Variants in RECQL4 observed in about 807,000 individuals in gnomAD.
RECQL4 encodes the protein ATP-dependent DNA helicase Q4.
In RECQL4, 158 loss-of-function variants were observed where a neutral mutation model predicts 128.6. The observed-to-expected ratio is 1.23, with a 90% CI of 1.08 to 1.40. RECQL4 has a LOEUF of 1.40. Ranked by LOEUF, RECQL4 falls within the 40% of genes most tolerant of loss-of-function variation. RECQL4 has a pLI of 0.00. For synonymous variants in RECQL4, 996 were observed against 678.9 expected (o/e 1.47, Z -7.26); for missense variants, 2,293 against 1,649.8 (o/e 1.39, Z -6.75).
rs1214615126 is a variant in RECQL4 at position 144,514,344 on chromosome 8, G to A, written c.1723C>T (p.His575Tyr). ...GCCTCAGGTGTCAGCATCAGCACGTGTACCTGGGCTGCCCGAATCTGAAGG... is the reference window on the plus strand; with the variant it reads ...GCCTCAGGTGTCAGCATCAGCACGTATACCTGGGCTGCCCGAATCTGAAGG... ...VLQKIRAAQVHVLMLTPEALV... is the reference protein window; with the variant it reads ...VLQKIRAAQVYVLMLTPEALV... Residue 575 changes from histidine to tyrosine, a missense_variant, in exon 11 of 21, where the codon CAC (histidine) becomes TAC (tyrosine). Transcript: ENST00000617875. 1.2e-6 allele frequency: 2 copies of A among 1,604,136 alleles called. No individual in the cohort carries two copies. The highest frequency in any genetic ancestry group is 1.1e-5 in the South Asian group (1 of 90,730).
At position 144,514,214 on chromosome 8, in the gene RECQL4, CGGAAGTTGT is replaced by C. The variant is rs1827817177; in HGVS notation, c.1844_1852del (p.His615_Phe617del). On this transcript the variant is annotated inframe_deletion, in exon 11 of 21. Transcript: ENST00000617875. Reference sequence around the variant, plus strand: ...CTTGCAGACGCGCAGGTAGCAGGGCCGGAAGTTGTGGGACCACTGGGAGAGGCAGTGGGC... The same window carrying C: ...CTTGCAGACGCGCAGGTAGCAGGGCCGGGACCACTGGGAGAGGCAGTGGGC... The C allele has an allele frequency of 6.2e-7, 1 of 1,612,160 alleles. No homozygotes were observed. The highest frequency in any genetic ancestry group is 1.3e-5 in the African/African-American group (1 of 74,854).
In RECQL4 at chr8:144,512,873, A is replaced by G; in HGVS notation, c.2729T>C (p.Val910Ala). The G allele has an allele frequency of 6.3e-7, 1 of 1,599,352 alleles. No homozygotes were observed. Among genetic ancestry groups the G allele is most frequent in the Non-Finnish European group, 8.5e-7 (1 of 1,173,220 alleles). ...CTCCTCCGGCATGTCCAAAGCCTGT[A>G]CGGTAAGCTGTATTGGGAGTGCCCG... is the stretch of plus-strand genomic sequence containing the variant. ...HERALPIQLT[V>A]QALDMPEEAI... is the part of the protein sequence containing the mutation. Residue 910 changes from valine (V) to alanine (A), a missense_variant, in exon 15 of 21, where the codon GTA becomes GCA. Physicochemically the swap from Val to Ala is moderately conservative, Grantham distance 64. Coordinates refer to ENST00000617875, the MANE Select transcript of RECQL4 (RefSeq NM_004260.4).
rs1355840127 is a variant in RECQL4 at position 144,517,524 on chromosome 8, G to C, written c.119-16C>G. The C allele has an allele frequency of 6.3e-7, 1 of 1,576,068 alleles. No individual in the cohort carries two copies. The highest frequency in any genetic ancestry group is 8.6e-7 in the Non-Finnish European group (1 of 1,167,940). ...CGGTAGAGCGCTGCGTGGGCGAGCG[G>C]GAGGCGGGGTCAGGGTGGGGCCTGG... On this transcript the variant is annotated splice_polypyrimidine_tract_variant and intron_variant, in intron 2 of 20. Transcript: ENST00000617875.
chr8:144,515,423 C>T lies in RECQL4; in HGVS notation c.1293G>A (p.Glu431=), dbSNP rs1586817551. The change falls in exon 7 of 21, where the codon GAG becomes GAA. Residue 431 remains glutamate (E), a synonymous_variant. Transcript: ENST00000617875. ...SEEDTDAVGP[E]PLVPSPQPVP... is the part of the protein sequence containing the mutation. ...CAGGTTGTGGTGAAGGAACCAGTGG[C>T]TCAGGCCCAACAGCATCTGTGTCTT... 1.2e-6 allele frequency: 2 copies of T among 1,612,830 alleles called. No individual in the cohort carries two copies. The highest frequency in any genetic ancestry group is 1.7e-6 in the Non-Finnish European group (2 of 1,179,824).
rs574347562 is a variant in RECQL4 at position 144,517,253 on chromosome 8, C to A, written c.214-63G>T. 5.9e-6 allele frequency: 9 copies of A among 1,529,032 alleles called. No homozygotes were observed. In the South Asian group the frequency reaches 9.5e-5, roughly 16 times the overall value. 94.7% of individuals were successfully genotyped at this position (1,529,032 alleles called of 1,614,324 possible). ...GTTGTGGCGGCAGAAGCGCTCCCAG[C>A]CACCCCTCCCGCACCTGGAGCGAGG... is the stretch of plus-strand genomic sequence containing the variant. On this transcript the variant is annotated intron_variant, in intron 3 of 20. Coordinates refer to ENST00000617875, the MANE Select transcript of RECQL4 (RefSeq NM_004260.4).
chr8:144,512,858 A>G lies in RECQL4; in HGVS notation c.2744T>C (p.Met915Thr), dbSNP rs1165798216. 6.2e-7 allele frequency: 1 copy of G among 1,603,874 alleles called. No homozygotes were observed. The highest frequency in any genetic ancestry group is 2.2e-5 in the East Asian group (1 of 44,500). The change falls in exon 15 of 21, where the codon ATG (methionine) becomes ACG (threonine). Residue 915 changes from methionine (M) to threonine (T), a missense_variant. Transcript: ENST00000617875. ...PIQLTVQALD[M>T]PEEAIETLLC... ...CCCAGGTTCCTCACCCTCCTCCGGC[A>G]TGTCCAAAGCCTGTACGGTAAGCTG...
Position 144,513,109 on chromosome 8 carries a change from A to G in RECQL4, c.2493T>C (p.His831=), listed in dbSNP as rs780421783. The part of the protein sequence containing the change: ...QGEDLRELRR[H]VHADSTDFLA... Reference sequence around the variant, plus strand: ...GGAAGTCCGTGCTGTCGGCGTGCACATGTCTGCGCAGCTCTCGCAGGTCTT... The same window carrying G: ...GGAAGTCCGTGCTGTCGGCGTGCACGTGTCTGCGCAGCTCTCGCAGGTCTT... The change falls in exon 15 of 21, where the codon CAT becomes CAC. Residue 831 remains histidine (H), a synonymous_variant. Coordinates refer to ENST00000617875, the MANE Select transcript of RECQL4 (RefSeq NM_004260.4). 2.2e-5 allele frequency: 35 copies of G among 1,562,024 alleles called. No homozygotes were observed. Among genetic ancestry groups the G allele is most frequent in the Middle Eastern group, 1.7e-4 (1 of 5,890 alleles).
At position 144,514,502 on chromosome 8, in the gene RECQL4, G is replaced by T; in HGVS notation, c.1644C>A (p.Leu548=). 1 of 1,612,022 alleles carries T rather than the reference G, an allele frequency of 6.2e-7. No individual in the cohort carries two copies. Among genetic ancestry groups the T allele is most frequent in the Non-Finnish European group, 8.5e-7 (1 of 1,179,538 alleles). Residue 548 remains leucine, a synonymous_variant, in exon 10 of 21, where the codon CTC becomes CTA. Coordinates refer to ENST00000617875, the MANE Select transcript of RECQL4 (RefSeq NM_004260.4). ...DDQVSGLPPC[L]KAACIHSGMT... is the part of the protein sequence containing the mutation. ...TGCCCGAGTGTATGCAGGCCGCCTTGAGACACGGTGGCAGGCCAGACACCT... is the reference window on the plus strand; with the variant it reads ...TGCCCGAGTGTATGCAGGCCGCCTTTAGACACGGTGGCAGGCCAGACACCT...
Position 144,517,147 on chromosome 8 carries a change from G to C in RECQL4, c.257C>G (p.Ala86Gly), listed in dbSNP as rs1207989827. Reference protein sequence around the residue: ...RCWGPHLNRAATKSPQSTPGR... With the variant: ...RCWGPHLNRAGTKSPQSTPGR... Reference sequence around the variant, plus strand: ...TGGCGTAGACTGTGGACTCTTGGTCGCAGCCCGATTCAGATGGGGCCCCCA... The same window carrying C: ...TGGCGTAGACTGTGGACTCTTGGTCCCAGCCCGATTCAGATGGGGCCCCCA... The change falls in exon 4 of 21, where the codon GCG becomes GGG. Residue 86 changes from alanine (A) to glycine (G), a missense_variant. Coordinates refer to ENST00000617875, the MANE Select transcript of RECQL4 (RefSeq NM_004260.4). The C allele has an allele frequency of 6.2e-7, 1 of 1,610,924 alleles. No individual in the cohort carries two copies. The highest frequency in any genetic ancestry group is 2.2e-5 in the East Asian group (1 of 44,846).
At position 144,513,629 on chromosome 8, in the gene RECQL4, C is replaced by T. The variant is rs1267959360; in HGVS notation, c.2142G>A (p.Glu714=). The change falls in exon 13 of 21, where the codon GAG becomes GAA. Residue 714 remains glutamate (E), a synonymous_variant. Transcript: ENST00000617875. ...IIYCNRREDT[E]RIAALLRTCL... is the part of the protein sequence containing the mutation. ...AGGTTCGGAGGAGCGCAGCGATCCG[C>T]TCTGTGTCCTCGCGCCGGTTGCAGT... 3.1e-6 allele frequency: 5 copies of T among 1,598,042 alleles called. No individual in the cohort carries two copies. The highest frequency in any genetic ancestry group is 2.7e-5 in the African/African-American group (2 of 74,650).
rs759352592 is a variant in RECQL4, at chr8:144,516,376, C to T, written c.743G>A (p.Arg248His). Residue 248 changes from arginine (R) to histidine (H), a missense_variant, in exon 5 of 21, where the codon CGT becomes CAT. Transcript: ENST00000617875. ...EASAFQEVSI[R>H]VGSPQPSSSG... ...GCTGCTGGGCTGGGGGCTCCCCACA[C>T]GGATGCTGACTTCTTGGAAGGCTGA... The T allele has an allele frequency of 2.9e-5, 47 of 1,610,082 alleles. 1 individual carries two copies. Among genetic ancestry groups the T allele is most frequent in the South Asian group, 2.7e-4 (25 of 91,024 alleles).
At position 144,517,522 on chromosome 8, in the gene RECQL4, C is replaced by T. The variant is rs1247442583; in HGVS notation, c.119-14G>A. On this transcript the variant is annotated splice_polypyrimidine_tract_variant and intron_variant, in intron 2 of 20. Transcript: ENST00000617875. ...CCCGGTAGAGCGCTGCGTGGGCGAG[C>T]GGGAGGCGGGGTCAGGGTGGGGCCT... 6.3e-7 allele frequency: 1 copy of T among 1,575,614 alleles called. No homozygotes were observed.
In RECQL4 at chr8:144,517,436, G is replaced by A. The variant is rs1554904702; in HGVS notation, c.191C>T (p.Ser64Leu). 1.3e-6 allele frequency: 2 copies of A among 1,585,970 alleles called. No homozygotes were observed. Residue 64 changes from serine to leucine, a missense_variant, in exon 3 of 21, where the codon TCG becomes TTG. Physicochemically the swap from Ser to Leu is moderately radical, Grantham distance 145 (BLOSUM62 -2). Coordinates refer to ENST00000617875, the MANE Select transcript of RECQL4 (RefSeq NM_004260.4). ...TACCTCTTCGGCCGCCGCGGGGAGC[G>A]ACTCGGAGCTGCGGAGCCCGCCGCC... is the stretch of plus-strand genomic sequence containing the variant. ...QAGGGLRSSE[S>L]LPAAAEEAPE...
rs2130711838 is a variant in RECQL4 at position 144,515,757 on chromosome 8, G to A, written c.1258+7C>T. The A allele has an allele frequency of 2.5e-6, 4 of 1,612,056 alleles. No individual in the cohort carries two copies. Among genetic ancestry groups the A allele is most frequent in the Non-Finnish European group, 3.4e-6 (4 of 1,179,598 alleles). On this transcript the variant is annotated splice_region_variant and intron_variant, in intron 6 of 20. Transcript: ENST00000617875. Reference sequence around the variant, plus strand: ...GCCGGACCCACCCTCCAGGGCAGATGTCTCACCTGGCCGGGGACACTGGGC... The same window carrying A: ...GCCGGACCCACCCTCCAGGGCAGATATCTCACCTGGCCGGGGACACTGGGC...
rs1827556397 is a variant in RECQL4 at position 144,513,063 on chromosome 8, G to C, written c.2539C>G (p.Gln847Glu). ...TDFLAVKRLV[Q>E]RVFPACTCTC... The stretch of plus-strand genomic sequence containing the variant: ...CAGGTGCAGGCTGGGAACACGCGCT[G>C]TACCAGCCTCTTCACAGCCAGGAAG... The change falls in exon 15 of 21, where the codon CAG becomes GAG. Residue 847 changes from glutamine (Q) to glutamate (E), a missense_variant. Transcript: ENST00000617875. 1 of 1,576,158 alleles carries C rather than the reference G, an allele frequency of 6.3e-7. No individual in the cohort carries two copies. The highest frequency in any genetic ancestry group is 1.2e-5 in the South Asian group (1 of 86,846).
intron 9 of RECQL4, 122 bp downstream of exon 9, chr8:144,514,814 G>A (rs941354976): frequency 1.5e-5 from 19 of 1,256,820 alleles, no homozygotes; most frequent in African/African-American, 4.5e-5. Flanking sequence ...TGGGACTGAG[G>A]CCACAGACAC....
At chr8:144,515,711 T>C in intron 6 of RECQL4, 53 bp downstream of exon 6, 4 of 1,596,608 alleles carry the variant, frequency 2.5e-6, no homozygotes, top group Non-Finnish European at 3.4e-6. Flanking sequence ...AAAAGAGCAC[T>C]GCGCCCTCTC....
In RECQL4 at chr8:144,513,634, T is replaced by G. The variant is rs760077772; in HGVS notation, c.2137A>C (p.Thr713Pro). The G allele has an allele frequency of 1.3e-6, 2 of 1,595,268 alleles. No homozygotes were observed. The highest frequency in any genetic ancestry group is 4.5e-5 in the East Asian group (2 of 44,010). ...CGGAGGAGCGCAGCGATCCGCTCTG[T>G]GTCCTCGCGCCGGTTGCAGTAAATG... ...IIIYCNRREDTERIAALLRTC... is the reference protein window; with the variant it reads ...IIIYCNRREDPERIAALLRTC... Residue 713 changes from threonine (T) to proline (P), a missense_variant, in exon 13 of 21, where the codon ACA becomes CCA. Physicochemically the swap from Thr to Pro is conservative, Grantham distance 38. Transcript: ENST00000617875.
At position 144,517,234 on chromosome 8, in the gene RECQL4, G is replaced by A. The variant is rs552698445; in HGVS notation, c.214-44C>T. 6.5e-6 allele frequency: 10 copies of A among 1,545,898 alleles called. No homozygotes were observed. In the East Asian group the frequency reaches 2.4e-4, roughly 37 times the overall value. On this transcript the variant is annotated intron_variant, in intron 3 of 20. Transcript: ENST00000617875. The stretch of plus-strand genomic sequence containing the variant: ...GCACAGGCCAGAAAAGGCTGTTGTG[G>A]CGGCAGAAGCGCTCCCAGCCACCCC...
Sources: gnomAD v4.1 joint callset for allele counts on GRCh38, gnomAD v4.1.1 for gene constraint, MANE v1.5 for transcripts, NCBI Gene and HGNC (gene_info 2026-07-23, HGNC 2026-07-21) for gene names.